RBFOX2: variants seen among roughly 807,000 people sequenced by gnomAD.
The protein encoded by RBFOX2 is RNA binding protein fox-1 homolog 2.
A neutral mutation model predicts 49.1 loss-of-function variants in RBFOX2; 10 were observed. That is an observed-to-expected ratio of 0.20 (90% CI 0.13 to 0.35). RBFOX2 has a LOEUF of 0.35. Ranked by LOEUF, RBFOX2 falls within the 10% of genes least tolerant of loss-of-function variation. The pLI, the probability that RBFOX2 is intolerant of heterozygous loss-of-function variation, is 1.00. For synonymous variants in RBFOX2, 183 were observed against 187.4 expected (o/e 0.98, Z 0.19); for missense variants, 323 against 486.9 (o/e 0.66, Z 3.17).
chr22:36,028,252 G>A (rs2146642483), exon 1 of RBFOX2: 1 of 1,527,118 alleles, frequency 6.5e-7, no homozygotes, highest in Admixed American at 1.9e-5. Context: ...GCATCCCGCC[G>A]CCACCGTCGG....
intron 1 of RBFOX2, among the ~76,000 whole-genome samples, chr22:36,007,505 C>T (rs1333034871): frequency 6.6e-6 from 1 of 151,992 alleles, no homozygotes; most frequent in African/African-American, 2.4e-5. Context: ...AGTACCTATC[C>T]CTGTGTAATT....
chr22:36,001,184 TACACACACACACACACACACACAC>T (rs57905429), intron 1 of RBFOX2, among the ~76,000 whole-genome samples: 23 of 133,684 alleles, frequency 1.7e-4, no homozygotes, highest in African/African-American at 6.1e-4. Context: ...CCCCAAAACA[TACACACACACACACACACACACAC>T]ACACACACAC....
At chr22:35,920,697 T>TA (rs1007769179) in intron 1 of RBFOX2, among the ~76,000 whole-genome samples, 14 of 152,216 alleles carry the variant, frequency 9.2e-5, no homozygotes, top group African/African-American at 2.9e-4. Flanking sequence ...AGAATTATGA[T>TA]AAAAAAGCTT....
At chr22:35,956,996 T>C (rs2055640702) in intron 1 of RBFOX2, among the ~76,000 whole-genome samples, 2 of 152,232 alleles carry the variant, frequency 1.3e-5, no homozygotes. Context: ...TCAGTCGTCA[T>C]TACATTCTTT....
intron 1 of RBFOX2, among the ~76,000 whole-genome samples, chr22:36,002,278 T>G (rs1351176189): frequency 6.6e-6 from 1 of 152,202 alleles, no homozygotes; most frequent in African/African-American, 2.4e-5. Flanking sequence ...TGTGCTTATC[T>G]TATGCACACA....
chr22:36,027,063 T>C (rs1248460475), intron 1 of RBFOX2, among the ~76,000 whole-genome samples: 4 of 136,958 alleles, frequency 2.9e-5, no homozygotes, highest in Non-Finnish European at 2.9e-5. Context: ...CAAGTCACCA[T>C]CTTCTCTGGA....
intron 2 of RBFOX2, among the ~76,000 whole-genome samples, chr22:35,782,112 A>G (rs1045693077): frequency 3.3e-5 from 5 of 152,158 alleles, no homozygotes; most frequent in African/African-American, 1.2e-4. Context: ...TATTTTTAAG[A>G]TATTTCTATT....
chr22:35,750,946 TAA>T (rs1934685190), intron 9 of RBFOX2, among the ~76,000 whole-genome samples: 1 of 152,244 alleles, frequency 6.6e-6, no homozygotes, highest in Non-Finnish European at 1.5e-5. Context: ...CTGCAGTTGT[TAA>T]AGTCTCAGTT....
At chr22:35,978,513 G>C (rs2057305637) in intron 1 of RBFOX2, among the ~76,000 whole-genome samples, 1 of 152,176 alleles carries the variant, frequency 6.6e-6, no homozygotes, top group African/African-American at 2.4e-5. Flanking sequence ...AAAAGAACCA[G>C]AGCTTCTTGG....
intron 2 of RBFOX2, among the ~76,000 whole-genome samples, chr22:35,791,955 A>T (rs577647611): frequency 1.3e-5 from 2 of 152,338 alleles, no homozygotes; most frequent in African/African-American, 4.8e-5. Flanking sequence ...AGGTCAGTAG[A>T]TATTTCTATT....
chr22:35,884,791 C>G (rs2046360080), intron 1 of RBFOX2, among the ~76,000 whole-genome samples: 1 of 152,174 alleles, frequency 6.6e-6, no homozygotes, highest in African/African-American at 2.4e-5. Flanking sequence ...ATCTTAGATG[C>G]TGCCTATCAC....
At chr22:35,836,709 C>T (rs998780151) in intron 1 of RBFOX2, among the ~76,000 whole-genome samples, 7 of 152,184 alleles carry the variant, frequency 4.6e-5, no homozygotes, top group Non-Finnish European at 1.0e-4. Context: ...TAGTAGAGTA[C>T]AAAAATTTTC....
Position 35,913,891 on chromosome 22 carries a change from G to A in RBFOX2, c.-34+24956C>T, listed in dbSNP as rs1045655561. Reference sequence around the variant, plus strand: ...GTGGGCAGAGCTGGCTATAAAGGACGGGAATTTCTTTATGGAGGAAGGAGA... The same window carrying A: ...GTGGGCAGAGCTGGCTATAAAGGACAGGAATTTCTTTATGGAGGAAGGAGA... On this transcript the variant is annotated intron_variant, in intron 1 of 13. Coordinates refer to the RBFOX2 transcript ENST00000359369. 1.1e-4 allele frequency among the ~76,000 whole-genome samples: 16 copies of A among 152,150 alleles called. No homozygotes were observed. In the South Asian group the frequency reaches 2.5e-3, roughly 24 times the overall value.
intron 1 of RBFOX2, among the ~76,000 whole-genome samples, chr22:35,971,033 G>A (rs2056841891): frequency 6.6e-6 from 1 of 152,038 alleles, no homozygotes; most frequent in Admixed American, 6.6e-5. Context: ...AATCAGGAGG[G>A]CACAAAAGAA....
At chr22:35,962,366 C>T (rs2056283436), upstream of RBFOX2, among the ~76,000 whole-genome samples, 1 of 152,166 alleles carries the variant, frequency 6.6e-6, no homozygotes, top group South Asian at 2.1e-4. Context: ...TTAACAAATT[C>T]TCACATACCT....
chr22:35,796,810 C>T (rs901445430), intron 2 of RBFOX2, among the ~76,000 whole-genome samples: 5 of 152,136 alleles, frequency 3.3e-5, no homozygotes, highest in East Asian at 1.9e-4. Flanking sequence ...ACTATCATCA[C>T]GGATCTCATC....
At chr22:35,890,830 T>C (rs1367841664) in intron 1 of RBFOX2, among the ~76,000 whole-genome samples, 1 of 152,002 alleles carries the variant, frequency 6.6e-6, no homozygotes, top group Non-Finnish European at 1.5e-5. Context: ...AATCAGGTTC[T>C]CCCAAAAGAA....
At chr22:35,777,258 C>T (rs1174380312) in intron 4 of RBFOX2, among the ~76,000 whole-genome samples, 17 of 152,040 alleles carry the variant, frequency 1.1e-4, no homozygotes, top group Non-Finnish European at 1.2e-4. Flanking sequence ...GTGATCCGCC[C>T]GCCTCAGCCT....
At chr22:35,757,097 G>T (rs1315983259) in intron 9 of RBFOX2, among the ~76,000 whole-genome samples, 1 of 151,766 alleles carries the variant, frequency 6.6e-6, no homozygotes, top group Non-Finnish European at 1.5e-5. Flanking sequence ...TGAAGTTCTG[G>T]GCTTGACCAA....
Sources: gnomAD v4.1 joint callset for allele counts (sites outside exome capture counted in the v4.1 genomes callset) on GRCh38, gnomAD v4.1.1 for gene constraint, MANE v1.5 for transcripts, NCBI Gene and HGNC (gene_info 2026-07-23, HGNC 2026-07-21) for gene names.